The following NRXN3 variants were observed in gnomAD, a reference collection of about 807,000 sequenced individuals.
NRXN3 encodes the protein neurexin 3, also known as neurexin III.
In NRXN3, 32 loss-of-function variants were observed where a neutral mutation model predicts 137.6. The ratio of observed to expected loss-of-function variants is 0.23; its 90% CI spans 0.18 to 0.31. The LOEUF (loss-of-function observed/expected upper bound fraction) is 0.31, where lower values mean the gene tolerates loss of function less well. Among genes scored for constraint, NRXN3 ranks in the 10% least tolerant of loss-of-function variants. The pLI is 1.00. For synonymous variants in NRXN3, 798 were observed against 784.5 expected (o/e 1.02, Z -0.29); for missense variants, 1,574 against 2,062.5 (o/e 0.76, Z 4.59).
At chr14:78,728,660 G>T (rs543040300) in intron 8 of NRXN3, among the ~76,000 whole-genome samples, 2 of 152,266 alleles carry the variant, frequency 1.3e-5, no homozygotes, top group South Asian at 4.2e-4. Flanking sequence ...TGCTTTGGGA[G>T]ATAGAGGTGG....
chr14:78,171,814 A>G (rs1042708038), intron 1 of NRXN3, among the ~76,000 whole-genome samples: 8 of 152,128 alleles, frequency 5.3e-5, no homozygotes, highest in African/African-American at 1.9e-4. Flanking sequence ...ATCATCATGC[A>G]ATGAGAACAT....
rs191084306 is a variant in NRXN3 at position 78,643,481 on chromosome 14, A to T, written c.758-1639A>T. On this transcript the variant is annotated intron_variant, in intron 4 of 20. Coordinates refer to ENST00000335750, the MANE Select transcript of NRXN3 (RefSeq NM_001330195.2). ...CTGGCAAGAAGACAAATGGAAGGTC[A>T]TAACACTGTGTGTCAAAATTATAGA... Among the ~76,000 whole-genome samples, 83 of 152,362 alleles carry T rather than the reference A, an allele frequency of 5.4e-4. 1 individual carries two copies. Among genetic ancestry groups the T allele is most frequent in the African/African-American group, 1.9e-3 (80 of 41,580 alleles).
intron 10 of NRXN3, among the ~76,000 whole-genome samples, chr14:78,942,223 A>G (rs31446): frequency 0.011 from 1,607 of 152,282 alleles, 25 homozygotes; most frequent in African/African-American, 0.037. Flanking sequence ...CAAGTACTTC[A>G]CTTTCTTTCT....
At chr14:79,529,195 A>G (rs2097148240) in intron 16 of NRXN3, among the ~76,000 whole-genome samples, 1 of 152,186 alleles carries the variant, frequency 6.6e-6, no homozygotes. Flanking sequence ...TAAAGATTTC[A>G]CGTGAAAGGG....
chr14:78,949,116 C>T (rs2099379999), intron 10 of NRXN3, among the ~76,000 whole-genome samples: 2 of 152,070 alleles, frequency 1.3e-5, no homozygotes, highest in Admixed American at 1.3e-4. Context: ...TTTTTTCTGG[C>T]CAGGAAGAAT....
rs1387277606 is a variant in NRXN3 at position 79,710,107 on chromosome 14, A to AAAG, written c.4014+12171_4014+12173dup. On this transcript the variant is annotated intron_variant, in intron 19 of 20. Coordinates refer to ENST00000335750, the MANE Select transcript of NRXN3 (RefSeq NM_001330195.2). ...TTATTGTTGCTGTTGTTTTCCATTT[A>AAAG]AAGTCAAAAATAATAGATGCCTCCA... Among the ~76,000 whole-genome samples the AAAG allele has an allele frequency of 1.3e-4, 20 of 152,266 alleles. No individual in the cohort carries two copies. In the East Asian group the frequency reaches 3.9e-3, roughly 29 times the overall value.
At chr14:79,852,626 T>C (rs2099394163) in intron 20 of NRXN3, among the ~76,000 whole-genome samples, 1 of 150,320 alleles carries the variant, frequency 6.7e-6, no homozygotes, top group African/African-American at 2.4e-5. Flanking sequence ...AAAGAAAACG[T>C]AAAATTAGTT....
intron 15 of NRXN3, among the ~76,000 whole-genome samples, chr14:79,121,856 A>G (rs939125515): frequency 1.3e-5 from 2 of 152,258 alleles, no homozygotes; most frequent in African/African-American, 4.8e-5. Flanking sequence ...GTTATGAACC[A>G]AACCATAGTA....
intron 15 of NRXN3, among the ~76,000 whole-genome samples, chr14:79,376,213 T>TGC (rs2094286421): frequency 3.4e-5 from 1 of 29,816 alleles, no homozygotes; most frequent in African/African-American, 1.9e-4. Context: ...TGTGTGTGTA[T>TGC]GTATATATAT....
intron 15 of NRXN3, among the ~76,000 whole-genome samples, chr14:78,988,801 A>G (rs1483488600): frequency 6.6e-6 from 1 of 151,842 alleles, no homozygotes; most frequent in Non-Finnish European, 1.5e-5. Context: ...ATATGTATGT[A>G]TGTATTTTCT....
At chr14:78,856,266 T>C (rs1015092884) in intron 10 of NRXN3, among the ~76,000 whole-genome samples, 46 of 152,198 alleles carry the variant, frequency 3.0e-4, no homozygotes, top group African/African-American at 9.4e-4. Context: ...GAATGGGGGC[T>C]CCTAAAAGCA....
At chr14:78,398,809 C>T (rs2091769555) in intron 4 of NRXN3, among the ~76,000 whole-genome samples, 1 of 152,124 alleles carries the variant, frequency 6.6e-6, no homozygotes, top group African/African-American at 2.4e-5. Flanking sequence ...TCAATTGACA[C>T]CATGGAGGTG....
intron 19 of NRXN3, among the ~76,000 whole-genome samples, chr14:79,763,980 T>C (rs559968365): frequency 2.3e-4 from 35 of 152,332 alleles, no homozygotes; most frequent in East Asian, 3.9e-4. Flanking sequence ...TTTATTGTGC[T>C]TTTTCTGAAA....
At chr14:79,321,367 A>G (rs753753434) in intron 15 of NRXN3, among the ~76,000 whole-genome samples, 12 of 152,176 alleles carry the variant, frequency 7.9e-5, no homozygotes, top group Non-Finnish European at 1.5e-4. Flanking sequence ...TTAGATTTCA[A>G]AATCAGTCCT....
At chr14:79,214,950 G>A (rs1288968735) in intron 15 of NRXN3, among the ~76,000 whole-genome samples, 1 of 152,054 alleles carries the variant, frequency 6.6e-6, no homozygotes, top group Non-Finnish European at 1.5e-5. Context: ...TCCAAATTCA[G>A]GAGGCAGATA....
intron 15 of NRXN3, among the ~76,000 whole-genome samples, chr14:79,103,132 AG>A (rs1203306797): frequency 1.6e-4 from 24 of 152,154 alleles, no homozygotes; most frequent in African/African-American, 5.1e-4. Flanking sequence ...TTGCTGCAAA[AG>A]TAAATGGGGA....
chr14:78,681,436 A>C (rs2098074587), intron 6 of NRXN3, among the ~76,000 whole-genome samples: 1 of 152,200 alleles, frequency 6.6e-6, no homozygotes, highest in Non-Finnish European at 1.5e-5. Context: ...GATTTGCTTG[A>C]ATCTTTACAG....
intron 15 of NRXN3, among the ~76,000 whole-genome samples, chr14:79,358,806 A>G (rs1599128446): frequency 6.6e-6 from 1 of 152,140 alleles, no homozygotes; most frequent in East Asian, 1.9e-4. Flanking sequence ...ACATCCTTAG[A>G]AAGGCCAAAC....
chr14:78,252,299 G>A (rs1037431795), intron 2 of NRXN3, among the ~76,000 whole-genome samples: 4 of 151,874 alleles, frequency 2.6e-5, no homozygotes, highest in Non-Finnish European at 4.4e-5. Context: ...TGAACTCTTT[G>A]GCTCTTTGGG....
Sources: allele counts gnomAD v4.1 joint callset (sites outside exome capture counted in the v4.1 genomes callset), GRCh38; gene constraint gnomAD v4.1.1; transcripts MANE v1.5; gene names NCBI Gene and HGNC (gene_info 2026-07-23, HGNC 2026-07-21).